Variants in MTMR12 observed in about 807,000 individuals in gnomAD.
The protein encoded by MTMR12 is myotubularin related protein 12.
In MTMR12, 33 loss-of-function variants were observed where a neutral mutation model predicts 96.7. The observed-to-expected ratio is 0.34, with a 90% CI of 0.26 to 0.46. The LOEUF is 0.46. MTMR12 is among the 20% of genes least tolerant of loss of function. The probability of loss-of-function intolerance (pLI) is 1.00; values close to 1 mark genes in which losing one functional copy is unlikely to be tolerated. For synonymous variants in MTMR12, 298 were observed against 327.2 expected (o/e 0.91, Z 0.96); for missense variants, 721 against 896.1 (o/e 0.80, Z 2.49).
At chr5:32,247,443 G>C (rs1408929793) in intron 10 of MTMR12, among the ~76,000 whole-genome samples, 1 of 152,212 alleles carries the variant, frequency 6.6e-6, no homozygotes, top group Non-Finnish European at 1.5e-5. Flanking sequence ...GAATCAATGA[G>C]TGACTGAGCA....
intron 13 of MTMR12, among the ~76,000 whole-genome samples, chr5:32,237,744 T>G (rs1748295649): frequency 6.6e-6 from 1 of 151,914 alleles, no homozygotes; most frequent in African/African-American, 2.4e-5. Context: ...CCTCCTGACC[T>G]TGTGACCCAC....
intron 8 of MTMR12, among the ~76,000 whole-genome samples, chr5:32,249,236 T>G (rs931939985): frequency 1.3e-5 from 2 of 152,164 alleles, no homozygotes. Flanking sequence ...ATTAACTCAT[T>G]TAATTGTTAT....
intron 13 of MTMR12, among the ~76,000 whole-genome samples, chr5:32,236,325 A>AT (rs1447241725): frequency 6.6e-6 from 1 of 152,126 alleles, no homozygotes; most frequent in East Asian, 1.9e-4. Flanking sequence ...AGGCAGATGG[A>AT]TCGCCTGAGC....
At chr5:32,237,480 G>A (rs892492689) in intron 13 of MTMR12, among the ~76,000 whole-genome samples, 1 of 151,940 alleles carries the variant, frequency 6.6e-6, no homozygotes, top group Non-Finnish European at 1.5e-5. Context: ...CTAAGGCCCT[G>A]GTAACAGATG....
intron 13 of MTMR12, among the ~76,000 whole-genome samples, chr5:32,236,614 G>A (rs1748241605): frequency 6.6e-6 from 1 of 152,004 alleles, no homozygotes; most frequent in Non-Finnish European, 1.5e-5. Context: ...GGCTGACATG[G>A]GTGAATCACC....
At chr5:32,239,916 C>A (rs1316794990) in intron 12 of MTMR12, among the ~76,000 whole-genome samples, 1 of 152,214 alleles carries the variant, frequency 6.6e-6, no homozygotes, top group Non-Finnish European at 1.5e-5. Context: ...ACTTGTTTAA[C>A]ATTCATGACT....
chr5:32,292,944 T>C lies in MTMR12; in HGVS notation c.82-16202A>G, dbSNP rs182953480. On this transcript the variant is annotated intron_variant, in intron 1 of 15. Coordinates refer to ENST00000382142, the MANE Select transcript of MTMR12 (RefSeq NM_001040446.3). ...ACATGTTTGTGCATATATACATGTTTTATTTCCTTTTCCTTTATCATATAA... is the reference window on the plus strand; with the variant it reads ...ACATGTTTGTGCATATATACATGTTCTATTTCCTTTTCCTTTATCATATAA... Among the ~76,000 whole-genome samples the C allele has an allele frequency of 1.3e-3, 205 of 152,382 alleles. 1 individual carries two copies. The highest frequency in any genetic ancestry group is 2.7e-3 in the Admixed American group (41 of 15,308).
chr5:32,246,178 T>TTTTTGTTTTTTTTTTTTTTTTTTTTTA (rs1748681426), intron 10 of MTMR12, among the ~76,000 whole-genome samples: 1 of 150,864 alleles, frequency 6.6e-6, no homozygotes, highest in Admixed American at 6.6e-5. Flanking sequence ...CAGTTTTTTT[T>TTTTTGTTTTTTTTTTTTTTTTTTTTTA]TTTTTTGAGA....
At chr5:32,253,530 T>C (rs1271264585) in intron 8 of MTMR12, among the ~76,000 whole-genome samples, 1 of 152,210 alleles carries the variant, frequency 6.6e-6, no homozygotes, top group Non-Finnish European at 1.5e-5. Flanking sequence ...TGTGTAATAC[T>C]TTTTTGCTGT....
intron 8 of MTMR12, among the ~76,000 whole-genome samples, chr5:32,253,379 C>A (rs1475793749): frequency 2.0e-5 from 3 of 152,014 alleles, no homozygotes; most frequent in Admixed American, 6.6e-5. Flanking sequence ...AATAAATTAC[C>A]TTTTAATTTG....
chr5:32,257,604 A>G lies in MTMR12; in HGVS notation c.714-1836T>C, dbSNP rs1749190329. Among the ~76,000 whole-genome samples the G allele has an allele frequency of 2.0e-5, 3 of 152,250 alleles. No homozygotes were observed. The South Asian group carries it at 6.2e-4, about 32-fold the overall frequency. On this transcript the variant is annotated intron_variant, in intron 7 of 15. Transcript: ENST00000382142. Reference sequence around the variant, plus strand: ...GCCAAGATGGTGAAACCTTGAATCTACTAAAAATACAAAAGTTAGCTGGGC... The same window carrying G: ...GCCAAGATGGTGAAACCTTGAATCTGCTAAAAATACAAAAGTTAGCTGGGC...
chr5:32,303,919 G>A (rs1751246894), intron 1 of MTMR12, among the ~76,000 whole-genome samples: 2 of 150,028 alleles, frequency 1.3e-5, no homozygotes, highest in African/African-American at 4.9e-5. Flanking sequence ...GAAACTGAGA[G>A]TGGGTATTTA....
At chr5:32,246,183 T>TGTTTTTTTTTTTTTTTTTA in intron 10 of MTMR12, among the ~76,000 whole-genome samples, 1 of 139,464 alleles carries the variant, frequency 7.2e-6, no homozygotes. Flanking sequence ...TTTTTTTTTT[T>TGTTTTTTTTTTTTTTTTTA]TGAGATGGAG....
intron 7 of MTMR12, among the ~76,000 whole-genome samples, chr5:32,260,223 T>A (rs973460318): frequency 1.3e-5 from 2 of 151,260 alleles, no homozygotes; most frequent in African/African-American, 4.9e-5. Flanking sequence ...ATGAAGGGCC[T>A]TGAGAGTGCT....
At chr5:32,278,158 G>A (rs924547743) in intron 1 of MTMR12, among the ~76,000 whole-genome samples, 1 of 152,176 alleles carries the variant, frequency 6.6e-6, no homozygotes, top group African/African-American at 2.4e-5. Flanking sequence ...AACAAAGAGA[G>A]GCACCATGGG....
intron 1 of MTMR12, among the ~76,000 whole-genome samples, chr5:32,280,586 A>AT (rs1240573067): frequency 7.2e-5 from 11 of 152,274 alleles, no homozygotes; most frequent in Non-Finnish European, 1.5e-4. Context: ...AGAAAGTTGT[A>AT]TTTTTTATAC....
chr5:32,308,911 A>G (rs1463822345), intron 1 of MTMR12, among the ~76,000 whole-genome samples: 1 of 152,132 alleles, frequency 6.6e-6, no homozygotes, highest in Non-Finnish European at 1.5e-5. Flanking sequence ...CCTTACCCTT[A>G]TCTTTTAAAA....
Position 32,312,219 on chromosome 5 carries a change from G to C in MTMR12, c.81+539C>G, listed in dbSNP as rs1349077691. On this transcript the variant is annotated intron_variant, in intron 1 of 15. Coordinates refer to ENST00000382142, the MANE Select transcript of MTMR12 (RefSeq NM_001040446.3). The surrounding 1 kb of genome is among the most constrained non-coding windows in gnomAD (Gnocchi z 5.0). Reference sequence around the variant, plus strand: ...CCCAAGGGAGAGACAAGCAGAGACTGGCTGAGGCCAGGCCGACCCCCTTTT... The same window carrying C: ...CCCAAGGGAGAGACAAGCAGAGACTCGCTGAGGCCAGGCCGACCCCCTTTT... Among the ~76,000 whole-genome samples the C allele has an allele frequency of 6.6e-6, 1 of 152,244 alleles. No individual in the cohort carries two copies. Among genetic ancestry groups the C allele is most frequent in the Non-Finnish European group, 1.5e-5 (1 of 68,038 alleles).
chr5:32,238,475 C>T (rs559609331), intron 13 of MTMR12, among the ~76,000 whole-genome samples: 2 of 152,146 alleles, frequency 1.3e-5, no homozygotes, highest in African/African-American at 2.4e-5. Flanking sequence ...AGGTGCAAAC[C>T]ACCATGCCAG....
Sources: allele counts gnomAD v4.1 joint callset (sites outside exome capture counted in the v4.1 genomes callset), GRCh38; gene constraint gnomAD v4.1.1; non-coding constraint Gnocchi (gnomAD v3.1); transcripts MANE v1.5; gene names NCBI Gene and HGNC (gene_info 2026-07-23, HGNC 2026-07-21).